CDK12: variants seen among roughly 807,000 people sequenced by gnomAD.
The protein encoded by CDK12 is cyclin-dependent kinase 12.
CDK12 carries 17 observed loss-of-function variants against 133.8 expected under a neutral mutation model. The observed-to-expected ratio is 0.13, with a 90% CI of 0.09 to 0.19. CDK12 has a LOEUF of 0.19. CDK12 is among the 10% of genes least tolerant of loss of function. The probability of loss-of-function intolerance (pLI) is 1.00; values close to 1 mark genes in which losing one functional copy is unlikely to be tolerated. For missense variants in CDK12, 1,508 were observed against 1,818.7 expected, an observed-to-expected ratio of 0.83 and a Z score of 3.11; for synonymous variants, 694 against 683.6, an observed-to-expected ratio of 1.02 and a Z score of -0.24.
At chr17:39,498,944 T>G (rs1320453892) in intron 5 of CDK12, among the ~76,000 whole-genome samples, 1 of 16 alleles carries the variant, frequency 0.062, no homozygotes. Flanking sequence ...TCTTTCTTTC[T>G]TTCTTTCTTT....
chr17:39,512,978 G>A (rs1433569539), intron 8 of CDK12, among the ~76,000 whole-genome samples: 1 of 152,130 alleles, frequency 6.6e-6, no homozygotes, highest in Admixed American at 6.6e-5. Flanking sequence ...TGGCCAGTGG[G>A]AGCTTATTCA....
At chr17:39,540,950 T>C (rs528023886) in intron 1 of CDK12, among the ~76,000 whole-genome samples, 4 of 152,228 alleles carry the variant, frequency 2.6e-5, no homozygotes, top group South Asian at 4.1e-4. Flanking sequence ...ACAAAACAAT[T>C]TATAGGAAGC....
At chr17:39,476,413 T>C (rs1043311122) in intron 2 of CDK12, among the ~76,000 whole-genome samples, 6 of 151,712 alleles carry the variant, frequency 4.0e-5, no homozygotes, top group African/African-American at 1.5e-4. Flanking sequence ...CCCAACTATT[T>C]ATTATTTTAT....
chr17:39,501,311 T>C lies in CDK12; in HGVS notation c.2481T>C (p.Gly827=), dbSNP rs2146139517. The change falls in exon 6 of 14, where the codon GGT becomes GGC. Residue 827 remains glycine (G), a synonymous_variant. Transcript: ENST00000447079. ...DHDLMGLLES[G]LVHFSEDHIK... is the part of the protein sequence containing the mutation. ...ACTTAATGGGACTGCTAGAATCTGG[T>C]TTGGTGCACTTTTCTGAGGACCATA... 1.2e-6 allele frequency: 2 copies of C among 1,613,840 alleles called. No individual in the cohort carries two copies. Among genetic ancestry groups the C allele is most frequent in the Non-Finnish European group, 1.7e-6 (2 of 1,179,900 alleles).
rs983019285 is a variant in CDK12 at position 39,533,797 on chromosome 17, G to GA, written c.*2490dup. ...TTTGACTATTTCTAAAAGCAGAGGA[G>GA]AAAAAAAAACTTATTTAAATATCCT... On this transcript the variant is annotated 3_prime_UTR_variant, in exon 14 of 14. Transcript: ENST00000447079. 4.4e-4 allele frequency: 101 copies of GA among 229,332 alleles called. No homozygotes were observed. Among genetic ancestry groups the GA allele is most frequent in the Middle Eastern group, 2.6e-3 (2 of 772 alleles). 14.2% of individuals were successfully genotyped at this position (229,332 alleles called of 1,614,324 possible).
chr17:39,535,519 G>T (rs2055092795), downstream of CDK12, among the ~76,000 whole-genome samples: 1 of 152,128 alleles, frequency 6.6e-6, no homozygotes. Flanking sequence ...GTTCATGATT[G>T]GGGTATAAAC....
rs1213456114 is a variant in CDK12, at chr17:39,534,400, A to G, written c.*3084A>G. 4.3e-6 allele frequency: 1 copy of G among 232,782 alleles called. No individual in the cohort carries two copies. The highest frequency in any genetic ancestry group is 8.5e-6 in the Non-Finnish European group (1 of 117,772). The allele number at this position is 232,782 out of a possible 1,614,324, so 14.4% of individuals were successfully genotyped here. On this transcript the variant is annotated 3_prime_UTR_variant, in exon 14 of 14. Coordinates refer to ENST00000447079, the MANE Select transcript of CDK12 (RefSeq NM_016507.4). ...ATTCTCCCTGATTTAGGTTCCTGAC[A>G]CTGATTCCTTTCTCTCTCGTTTTTG...
At position 39,471,703 on chromosome 17, in the gene CDK12, C is replaced by T. The variant is rs1223990658; in HGVS notation, c.1871C>T (p.Thr624Ile). The T allele has an allele frequency of 6.2e-7, 1 of 1,614,158 alleles. No homozygotes were observed. The highest frequency in any genetic ancestry group is 8.5e-7 in the Non-Finnish European group (1 of 1,180,022). The change falls in exon 2 of 14, where the codon ACT (threonine) becomes ATT (isoleucine). Residue 624 changes from threonine to isoleucine, a missense_variant. Thr to Ile is a moderately conservative substitution (Grantham distance 89). Transcript: ENST00000447079. ...SVTAAIPHLK[T>I]STLPPLPLPP... The stretch of plus-strand genomic sequence containing the variant: ...ACAGCTGCTATTCCACACCTGAAAA[C>T]TTCAACGTTGCCTCCTTTGCCCCTC...
intron 1 of CDK12, among the ~76,000 whole-genome samples, chr17:39,467,465 G>A (rs1486189390): frequency 6.6e-6 from 1 of 152,064 alleles, no homozygotes; most frequent in Non-Finnish European, 1.5e-5. Flanking sequence ...TTACCTATTT[G>A]TTGTCTACTC....
chr17:39,547,833 A>G (rs933698138), upstream of CDK12: 2 of 152,264 alleles, frequency 1.3e-5, no homozygotes, highest in Admixed American at 1.3e-4. Context: ...CAGCTCAAGT[A>G]AGTGCCACCT....
In CDK12 at chr17:39,524,808, A is replaced by T. The variant is rs1414644258; in HGVS notation, c.3230A>T (p.Glu1077Val). The change falls in exon 12 of 14, where the codon GAG (glutamate) becomes GTG (valine). Residue 1077 changes from glutamate (E) to valine (V), a missense_variant. Glu to Val is a moderately radical substitution (Grantham distance 121). Coordinates refer to ENST00000447079, the MANE Select transcript of CDK12 (RefSeq NM_016507.4). ...RKETTSGTSTEPVKNSSPAPP... is the reference protein window; with the variant it reads ...RKETTSGTSTVPVKNSSPAPP... ...GAAACTACCTCAGGGACAAGTACTG[A>T]GCCTGTGAAGAACAGCAGCCCAGCA... is the stretch of plus-strand genomic sequence containing the variant. 25 of 1,614,116 alleles carry T rather than the reference A, an allele frequency of 1.5e-5. No individual in the cohort carries two copies. Among genetic ancestry groups the T allele is most frequent in the Non-Finnish European group, 2.0e-5 (24 of 1,180,050 alleles).
At chr17:39,487,608 T>C (rs568074568) in intron 2 of CDK12, among the ~76,000 whole-genome samples, 47 of 64,368 alleles carry the variant, frequency 7.3e-4, no homozygotes, top group African/African-American at 4.8e-3. Flanking sequence ...CATGACACAA[T>C]TTTTTTTTTT....
At chr17:39,492,724 A>G (rs1157704593) in intron 3 of CDK12, 27 bp from the exon 4 acceptor site, 1 of 1,591,962 alleles carries the variant, frequency 6.3e-7, no homozygotes, top group East Asian at 2.3e-5. Context: ...TTTCTTAAAT[A>G]ACTATTTTGT....
chr17:39,497,199 T>G (rs2052197633), intron 5 of CDK12, among the ~76,000 whole-genome samples: 1 of 152,182 alleles, frequency 6.6e-6, no homozygotes, highest in African/African-American at 2.4e-5. Flanking sequence ...CCCAAAGTGC[T>G]GGAATTACAA....
chr17:39,489,337 T>C (rs1291776782), intron 2 of CDK12, among the ~76,000 whole-genome samples: 1 of 152,024 alleles, frequency 6.6e-6, no homozygotes, highest in Non-Finnish European at 1.5e-5. Flanking sequence ...CCCAAAGTGC[T>C]AAGATTACAG....
intron 5 of CDK12, among the ~76,000 whole-genome samples, chr17:39,498,931 C>CTTTTTTTTTTTTTTTT (rs1204220366): frequency 1.5e-3 from 2 of 1,312 alleles, no homozygotes; most frequent in Non-Finnish European, 1.0e-3. Context: ...TTCTTTCTTT[C>CTTTTTTTTTTTTTTTT]TTTCTTTCTT....
chr17:39,470,065 T>G (rs2145162014), intron 1 of CDK12, among the ~76,000 whole-genome samples: 1 of 152,284 alleles, frequency 6.6e-6, no homozygotes, highest in African/African-American at 2.4e-5. Flanking sequence ...TTTTTTCAGA[T>G]GAATAAGTAG....
intron 5 of CDK12, among the ~76,000 whole-genome samples, 187 bp from the exon 6 acceptor site, chr17:39,501,063 C>T (rs1239143469): frequency 3.9e-5 from 6 of 152,076 alleles, no homozygotes; most frequent in Non-Finnish European, 5.9e-5. Context: ...ATATTAGCTC[C>T]GTTGTTTATT....
intron 6 of CDK12, among the ~76,000 whole-genome samples, chr17:39,507,962 T>G (rs1355050736): frequency 3.3e-5 from 5 of 152,206 alleles, no homozygotes; most frequent in Non-Finnish European, 7.3e-5. Context: ...TTACCTTGTT[T>G]TAATATTGTC....
Sources: allele counts gnomAD v4.1 joint callset (sites outside exome capture counted in the v4.1 genomes callset), GRCh38; gene constraint gnomAD v4.1.1; transcripts MANE v1.5; gene names NCBI Gene and HGNC (gene_info 2026-07-23, HGNC 2026-07-21).